Variants in CACNA1C observed in about 807,000 individuals in gnomAD.
CACNA1C encodes voltage-dependent L-type calcium channel subunit alpha-1C.
Under a neutral mutation model 229.0 loss-of-function variants are expected in CACNA1C, and 30 were observed. The ratio of observed to expected loss-of-function variants is 0.13; its 90% CI spans 0.10 to 0.18. The LOEUF (loss-of-function observed/expected upper bound fraction) is 0.18, where lower values mean the gene tolerates loss of function less well. Ranked by LOEUF, CACNA1C falls within the 10% of genes least tolerant of loss-of-function variation. The pLI is 1.00. For missense variants in CACNA1C, 1,658 were observed against 2,845.0 expected, an observed-to-expected ratio of 0.58 and a Z score of 9.49; for synonymous variants, 1,114 against 1,132.5, an observed-to-expected ratio of 0.98 and a Z score of 0.33.
intron 3 of CACNA1C, among the ~76,000 whole-genome samples, chr12:2,317,434 G>C (rs2095751548): frequency 6.6e-6 from 1 of 152,186 alleles, no homozygotes; most frequent in Admixed American, 6.5e-5. Context: ...TGTATGAAGT[G>C]CCTAGAGTAA....
At chr12:2,641,713 G>A in intron 30 of CACNA1C, 2 of 702,546 alleles carry the variant, frequency 2.8e-6, no homozygotes, top group Admixed American at 2.0e-5. Context: ...GTACCTTGAA[G>A]AGAAGGCGAT....
intron 1 of CACNA1C, among the ~76,000 whole-genome samples, chr12:2,088,170 T>C (rs2068485209): frequency 6.6e-6 from 1 of 152,262 alleles, no homozygotes; most frequent in African/African-American, 2.4e-5. Flanking sequence ...AATTACACTT[T>C]TGTTAGGTTT....
At chr12:2,396,797 C>T (rs1000149369) in intron 3 of CACNA1C, among the ~76,000 whole-genome samples, 31 of 152,330 alleles carry the variant, frequency 2.0e-4, no homozygotes, top group Non-Finnish European at 3.4e-4. Flanking sequence ...CAAGCCTGGC[C>T]GAGCCACACC....
chr12:2,686,169 G>A lies in CACNA1C; in HGVS notation c.5684G>A (p.Arg1895Gln), dbSNP rs753954220. ...GGCTCTCTGGCTGGCTTTGCAGGTCGAAGGGCCTCCTTCCACCTGGAATGT... is the reference window on the plus strand; with the variant it reads ...GGCTCTCTGGCTGGCTTTGCAGGTCAAAGGGCCTCCTTCCACCTGGAATGT... ...RGFLRSASLG[R>Q]RASFHLECLK... Residue 1895 changes from arginine to glutamine, a missense_variant, in exon 45 of 47, where the codon CGA (arginine) becomes CAA (glutamine). Physicochemically the swap from Arg to Gln is conservative, Grantham distance 43. Transcript: ENST00000399655. The A allele has an allele frequency of 2.7e-5, 44 of 1,613,786 alleles. No homozygotes were observed. Among genetic ancestry groups the A allele is most frequent in the Admixed American group, 1.3e-4 (8 of 60,026 alleles).
chr12:2,460,656 A>T (rs1379372535), intron 5 of CACNA1C, among the ~76,000 whole-genome samples: 3 of 152,160 alleles, frequency 2.0e-5, no homozygotes, highest in Non-Finnish European at 1.5e-5. Flanking sequence ...TCTCAAGAGG[A>T]TGCAGGCCTC....
At chr12:2,079,903 T>TA (rs1415513813) in intron 1 of CACNA1C, among the ~76,000 whole-genome samples, 3 of 152,120 alleles carry the variant, frequency 2.0e-5, no homozygotes, top group African/African-American at 7.2e-5. Context: ...AGTCAGCAGA[T>TA]ATAACAAACA....
intron 3 of CACNA1C, among the ~76,000 whole-genome samples, chr12:2,241,436 T>C (rs747112269): frequency 6.6e-6 from 1 of 151,780 alleles, no homozygotes; most frequent in African/African-American, 2.4e-5. Context: ...TGTCCCAGAG[T>C]GTGGCAAGCA....
intron 3 of CACNA1C, among the ~76,000 whole-genome samples, chr12:2,158,031 G>A (rs552438919): frequency 6.6e-6 from 1 of 152,214 alleles, no homozygotes; most frequent in African/African-American, 2.4e-5. Context: ...TGGAAATTAG[G>A]AGTAAAAAAA....
chr12:2,136,355 TGAG>T (rs2093489391), intron 3 of CACNA1C, among the ~76,000 whole-genome samples: 2 of 151,166 alleles, frequency 1.3e-5, no homozygotes, highest in South Asian at 4.2e-4. Flanking sequence ...ATTTTAAAGA[TGAG>T]GAAGGGGCAC....
chr12:2,663,539 C>T lies in CACNA1C; in HGVS notation c.4233-1286C>T, dbSNP rs190658637. ...TGCACACACACATTTATAGCAGCAC[C>T]ATTTGCAAAATGATGTAATGGACTT... On this transcript the variant is annotated intron_variant, in intron 34 of 46. Transcript: ENST00000399655. 3.5e-3 allele frequency among the ~76,000 whole-genome samples: 540 copies of T among 152,224 alleles called. 2 individuals carry two copies. Among genetic ancestry groups the T allele is most frequent in the Non-Finnish European group, 5.4e-3 (366 of 68,012 alleles).
chr12:2,436,664 T>C (rs1297478993), intron 3 of CACNA1C, among the ~76,000 whole-genome samples: 1 of 152,214 alleles, frequency 6.6e-6, no homozygotes, highest in East Asian at 1.9e-4. Flanking sequence ...TAAGTTGAGC[T>C]TTAATATGCC....
chr12:2,012,136 C>T (rs1329667707), intron 1 of CACNA1C, among the ~76,000 whole-genome samples: 1 of 152,118 alleles, frequency 6.6e-6, no homozygotes, highest in African/African-American at 2.4e-5. Flanking sequence ...AACCTTAAGT[C>T]CAAGATGAGA....
intron 9 of CACNA1C, among the ~76,000 whole-genome samples, chr12:2,527,975 T>C (rs771373788): frequency 5.3e-5 from 8 of 152,218 alleles, no homozygotes; most frequent in Non-Finnish European, 1.0e-4. Flanking sequence ...TGGTATACAA[T>C]CATGTCCATG....
chr12:2,677,171 G>C lies in CACNA1C; in HGVS notation c.4906G>C (p.Glu1636Gln). ...EYFRKFKKRKEQGLVGKPSQR... is the reference protein window; with the variant it reads ...EYFRKFKKRKQQGLVGKPSQR... ...CTTCCGGAAGTTCAAGAAGCGCAAA[G>C]AGCAGGGCCTTGTGGGCAAGCCCTC... Residue 1636 changes from glutamate (E) to glutamine (Q), a missense_variant, in exon 40 of 47, where the codon GAG becomes CAG. Physicochemically the swap from Glu to Gln is conservative, Grantham distance 29. Around this residue, in one of 20 missense-constraint regions of CACNA1C, gnomAD observed 590 missense variants for 700.8 expected, o/e 0.84. Transcript: ENST00000399655. The surrounding 1 kb of genome is among the most constrained non-coding windows in gnomAD (Gnocchi z 7.4). The C allele has an allele frequency of 6.2e-7, 1 of 1,613,892 alleles. No homozygotes were observed. The highest frequency in any genetic ancestry group is 8.5e-7 in the Non-Finnish European group (1 of 1,179,864).
intron 3 of CACNA1C, among the ~76,000 whole-genome samples, chr12:2,226,335 A>G (rs2063019947): frequency 6.6e-6 from 1 of 152,192 alleles, no homozygotes. Flanking sequence ...AATCATCCCC[A>G]TTGTACATAA....
At chr12:2,545,060 AAGT>A (rs2099878576) in intron 9 of CACNA1C, among the ~76,000 whole-genome samples, 1 of 152,138 alleles carries the variant, frequency 6.6e-6, no homozygotes, top group Admixed American at 6.5e-5. Flanking sequence ...TGGCTTTGGG[AAGT>A]GCTTTGGAGC....
chr12:2,204,148 C>A (rs1051868178), intron 3 of CACNA1C, among the ~76,000 whole-genome samples: 51 of 152,172 alleles, frequency 3.4e-4, no homozygotes, highest in African/African-American at 1.2e-3. Flanking sequence ...GCCATTCTAA[C>A]TGGTGTGAGA....
chr12:1,993,470 G>A, intron 1 of CACNA1C: 1 of 1,530,244 alleles, frequency 6.5e-7, no homozygotes, highest in Non-Finnish European at 8.8e-7. Flanking sequence ...AGTACATTCT[G>A]ATGTGTCTCT....
intron 1 of CACNA1C, among the ~76,000 whole-genome samples, chr12:2,097,192 C>T (rs564235002): frequency 1.3e-3 from 193 of 152,274 alleles, no homozygotes; most frequent in African/African-American, 4.5e-3. Context: ...GTCACCCAGG[C>T]TGGAGTGCAG....
Sources: gnomAD v4.1 joint callset for allele counts (sites outside exome capture counted in the v4.1 genomes callset) on GRCh38, gnomAD v4.1.1 for gene constraint, gnomAD v4.1.1 regional missense constraint, Gnocchi (gnomAD v3.1) non-coding constraint, MANE v1.5 for transcripts, NCBI Gene and HGNC (gene_info 2026-07-23, HGNC 2026-07-21) for gene names.